Variants in EPS15L1 observed in about 807,000 individuals in gnomAD.
EPS15L1 encodes the protein epidermal growth factor receptor substrate 15-like 1.
In EPS15L1, 43 loss-of-function variants were observed where a neutral mutation model predicts 117.1. The ratio of observed to expected loss-of-function variants is 0.37; its 90% confidence interval spans 0.29 to 0.47. EPS15L1 has a LOEUF of 0.47. Ranked by LOEUF, EPS15L1 falls within the 20% of genes least tolerant of loss-of-function variation. EPS15L1 has a pLI of 0.99. For synonymous variants in EPS15L1, 459 were observed against 470.5 expected, an observed-to-expected ratio of 0.98 and a Z score of 0.32; for missense variants, 981 against 1,164.0, an observed-to-expected ratio of 0.84 and a Z score of 2.29.
intron 7 of EPS15L1, among the ~76,000 whole-genome samples, chr19:16,430,957 G>A (rs537927480): frequency 7.2e-5 from 11 of 152,262 alleles, no homozygotes; most frequent in East Asian, 1.9e-4. Context: ...ATGCATGGCC[G>A]GGCACAGTGG....
Position 16,395,460 on chromosome 19 carries a change from G to A in EPS15L1, c.1799C>T (p.Pro600Leu). Reference sequence around the variant, plus strand: ...AAATAACAAGGCTTTATTTTTGAAAGGATCATCCTACAATTTTGTGAAGAA... The same window carrying A: ...AAATAACAAGGCTTTATTTTTGAAAAGATCATCCTACAATTTTGTGAAGAA... The part of the protein sequence containing the change: ...ERGSFGAMDD[P>L]FKNKALLFSN... The change falls in exon 17 of 24, where the codon CCT becomes CTT. Residue 600 changes from proline to leucine, a missense_variant. By Grantham distance (98) the Pro-to-Leu change is moderately conservative. Coordinates refer to ENST00000455140, the MANE Select transcript of EPS15L1 (RefSeq NM_001258374.3). The A allele has an allele frequency of 6.2e-7, 1 of 1,613,342 alleles. No homozygotes were observed. Among genetic ancestry groups the A allele is most frequent in the South Asian group, 1.1e-5 (1 of 91,032 alleles).
At chr19:16,463,697 T>C (rs10401133) in intron 1 of EPS15L1, among the ~76,000 whole-genome samples, 16,135 of 152,166 alleles carry the variant, frequency 0.11, 934 homozygotes, top group Non-Finnish European at 0.11. Context: ...GTCTAGGTGG[T>C]TGGGGAAGAC....
chr19:16,366,015 A>C (rs796625907), intron 22 of EPS15L1, among the ~76,000 whole-genome samples: 1 of 152,212 alleles, frequency 6.6e-6, no homozygotes, highest in African/African-American at 2.4e-5. Context: ...GGTTTGCAGG[A>C]AACAGCAATG....
intron 7 of EPS15L1, among the ~76,000 whole-genome samples, chr19:16,431,254 T>C (rs2092924832): frequency 1.3e-5 from 2 of 151,646 alleles, no homozygotes; most frequent in East Asian, 3.9e-4. Flanking sequence ...AAAAACTTTT[T>C]TTTAATAAAT....
intron 13 of EPS15L1, among the ~76,000 whole-genome samples, chr19:16,408,885 A>C (rs185701693): frequency 7.0e-4 from 107 of 152,266 alleles, no homozygotes; most frequent in Middle Eastern, 3.4e-3. Context: ...ATCCTTGACA[A>C]GGATGCTAGG....
At chr19:16,457,432 G>A (rs1468527542) in intron 1 of EPS15L1, among the ~76,000 whole-genome samples, 1 of 152,180 alleles carries the variant, frequency 6.6e-6, no homozygotes, top group African/African-American at 2.4e-5. Flanking sequence ...CCTGTCCAGG[G>A]AGACTCAGTC....
chr19:16,459,851 T>TA (rs2093231874), intron 1 of EPS15L1, among the ~76,000 whole-genome samples: 1 of 152,222 alleles, frequency 6.6e-6, no homozygotes, highest in Admixed American at 6.5e-5. Context: ...ACAGTCCTTA[T>TA]AGCCTGCCCT....
chr19:16,402,117 C>A (rs1036696323), intron 16 of EPS15L1: 2 of 1,349,908 alleles, frequency 1.5e-6, no homozygotes, highest in Non-Finnish European at 1.9e-6. Flanking sequence ...GGACTTTGTT[C>A]TGGAAGCCAG....
At chr19:16,377,087 T>G (rs1395857339) in intron 22 of EPS15L1, 35 bp downstream of exon 22, 3 of 1,571,396 alleles carry the variant, frequency 1.9e-6, no homozygotes, top group Middle Eastern at 1.8e-4. Flanking sequence ...CCGGCACCGG[T>G]AGGCGGTGGC....
intron 1 of EPS15L1, among the ~76,000 whole-genome samples, chr19:16,467,669 A>C (rs1026402662): frequency 6.6e-6 from 1 of 152,202 alleles, no homozygotes; most frequent in Non-Finnish European, 1.5e-5. Context: ...CATTCTACTA[A>C]GATAGACTAG....
At position 16,370,965 on chromosome 19, in the gene EPS15L1, G is replaced by T. The variant is rs1258879085; in HGVS notation, c.2380+6157C>A. ...GCAGGCAAGTGCCAGAATTTTCCAG[G>T]CCCCTTGAGATGGTGGAACCACTTG... On this transcript the variant is annotated intron_variant, in intron 22 of 23. Coordinates refer to ENST00000455140, the MANE Select transcript of EPS15L1 (RefSeq NM_001258374.3). This position sits in a 1 kb window ranked among gnomAD's most constrained non-coding sequence, Gnocchi z 5.2. Among the ~76,000 whole-genome samples the T allele has an allele frequency of 6.6e-6, 1 of 152,206 alleles. No individual in the cohort carries two copies. The highest frequency in any genetic ancestry group is 2.4e-5 in the African/African-American group (1 of 41,446).
intron 12 of EPS15L1, among the ~76,000 whole-genome samples, chr19:16,416,641 T>TA (rs765054072): frequency 0.019 from 2,449 of 128,464 alleles, 72 homozygotes; most frequent in African/African-American, 0.064. Context: ...TGTCTCAAAT[T>TA]AAAAAAAAAA....
chr19:16,374,495 A>G (rs972011377), intron 22 of EPS15L1, among the ~76,000 whole-genome samples: 2 of 152,078 alleles, frequency 1.3e-5, no homozygotes, highest in African/African-American at 4.8e-5. Flanking sequence ...CAAACGTTCT[A>G]CTTTTAACAA....
intron 1 of EPS15L1, among the ~76,000 whole-genome samples, chr19:16,449,247 AAAACAAACAAACAAAC>A (rs140126191): frequency 6.6e-6 from 1 of 151,812 alleles, no homozygotes; most frequent in African/African-American, 2.4e-5. Flanking sequence ...GATTTCTTAA[AAAACAAACAAACAAAC>A]AAACAAACAA....
intron 13 of EPS15L1, among the ~76,000 whole-genome samples, chr19:16,408,187 G>C (rs1335813672): frequency 1.3e-5 from 2 of 152,132 alleles, no homozygotes; most frequent in Non-Finnish European, 2.9e-5. Context: ...GTCCCAGAGG[G>C]ACAAAGACCC....
Position 16,461,303 on chromosome 19 carries a change from CT to C in EPS15L1, c.33+10609del, listed in dbSNP as rs1305496943. On this transcript the variant is annotated intron_variant, in intron 1 of 23. Transcript: ENST00000455140. ...TGGGCGACAGAGCAAGACTCCGTCT[CT>C]TAAAAAAAAAAAAAAAAAGAAAGAA... Among the ~76,000 whole-genome samples the C allele has an allele frequency of 4.7e-5, 5 of 105,532 alleles. No homozygotes were observed. The South Asian group carries it at 1.5e-3, about 33-fold the overall frequency. 69.2% of individuals were successfully genotyped at this position (105,532 alleles called of 152,430 possible). A position where few individuals can be genotyped will look rare whatever the true frequency, so the allele number is the denominator to read the frequency against.
intron 13 of EPS15L1, chr19:16,413,203 G>A: frequency 1.5e-6 from 1 of 648,332 alleles, no homozygotes; most frequent in Non-Finnish European, 2.8e-6. Flanking sequence ...AGAGGCTACT[G>A]GGGGAACAAG....
chr19:16,395,276 A>C, intron 17 of EPS15L1, 68 bp downstream of exon 17: 1 of 1,494,854 alleles, frequency 6.7e-7, no homozygotes, highest in Non-Finnish European at 9.1e-7. Context: ...TTCTAGTTGA[A>C]GAACCACTCT....
At chr19:16,450,363 C>T (rs907282089) in intron 1 of EPS15L1, among the ~76,000 whole-genome samples, 4 of 151,452 alleles carry the variant, frequency 2.6e-5, no homozygotes, top group Admixed American at 1.3e-4. Context: ...TATTGCTTCT[C>T]GGTTCCTCTC....
Sources: gnomAD v4.1 joint callset for allele counts (sites outside exome capture counted in the v4.1 genomes callset) on GRCh38, gnomAD v4.1.1 for gene constraint, Gnocchi (gnomAD v3.1) non-coding constraint, MANE v1.5 for transcripts, NCBI Gene and HGNC (gene_info 2026-07-23, HGNC 2026-07-21) for gene names.